The following PTPN13 variants were observed in gnomAD, a reference collection of about 807,000 sequenced individuals.
PTPN13 encodes protein tyrosine phosphatase non-receptor type 13.
In PTPN13, 191 loss-of-function variants were observed where a neutral mutation model predicts 284.0. That is an observed-to-expected ratio of 0.67 (90% CI 0.60 to 0.76). PTPN13 has a LOEUF of 0.76. Ranked by LOEUF, PTPN13 falls within the 30% of genes least tolerant of loss-of-function variation. The pLI is 0.00. For synonymous variants in PTPN13, 986 were observed against 1,022.3 expected (o/e 0.96, Z 0.68); for missense variants, 2,797 against 2,939.9 (o/e 0.95, Z 1.12).
chr4:86,647,400 T>C (rs1724565572), intron 2 of PTPN13, among the ~76,000 whole-genome samples: 1 of 151,932 alleles, frequency 6.6e-6, no homozygotes, highest in African/African-American at 2.4e-5. Flanking sequence ...CAAATGTTCA[T>C]TTTTCTCTTT....
At chr4:86,655,930 T>C (rs757267453) in intron 2 of PTPN13, among the ~76,000 whole-genome samples, 1 of 152,198 alleles carries the variant, frequency 6.6e-6, no homozygotes, top group Non-Finnish European at 1.5e-5. Flanking sequence ...TCTTGGAGGC[T>C]TTGTTAGTTT....
At chr4:86,644,874 A>G (rs2170427) in intron 2 of PTPN13, among the ~76,000 whole-genome samples, 7,051 of 152,190 alleles carry the variant, frequency 0.046, 218 homozygotes, top group African/African-American at 0.06. Flanking sequence ...ATGCAGAAAA[A>G]CATTTGGTAA....
rs149201308 is a variant in PTPN13 at position 86,665,739 on chromosome 4, A to G, written c.116-6626A>G. ...CGTAAAAGATGCCAAAAAATTTCCC[A>G]AAGATCTAGAATAGAACGGTTTGAG... On this transcript the variant is annotated intron_variant, in intron 2 of 47. Coordinates refer to ENST00000411767, the MANE Select transcript of PTPN13 (RefSeq NM_080683.3). Among the ~76,000 whole-genome samples, 9 of 152,314 alleles carry G rather than the reference A, an allele frequency of 5.9e-5. No individual in the cohort carries two copies. In the East Asian group the frequency reaches 1.2e-3, roughly 20 times the overall value.
At chr4:86,809,732 C>T (rs772011078) in intron 45 of PTPN13, 37 bp from the exon 46 acceptor site, 2 of 1,540,368 alleles carry the variant, frequency 1.3e-6, no homozygotes, top group East Asian at 2.2e-5. Flanking sequence ...AACAATATAA[C>T]ATGTCATGAT....
intron 10 of PTPN13, among the ~76,000 whole-genome samples, chr4:86,727,909 G>A (rs1734467070): frequency 6.7e-6 from 1 of 148,864 alleles, no homozygotes; most frequent in African/African-American, 2.5e-5. Flanking sequence ...GTGATGTTAG[G>A]GTGTTGATTT....
chr4:86,652,338 G>A (rs563613462), intron 2 of PTPN13, among the ~76,000 whole-genome samples: 10 of 151,974 alleles, frequency 6.6e-5, no homozygotes, highest in Admixed American at 2.0e-4. Flanking sequence ...TATTTTTTAT[G>A]TACTTATTAT....
chr4:86,729,062 G>C (rs574940711), intron 10 of PTPN13, among the ~76,000 whole-genome samples: 1 of 149,294 alleles, frequency 6.7e-6, no homozygotes, highest in East Asian at 1.9e-4. Context: ...GTCAGCATTT[G>C]CTTGTCTGTA....
intron 2 of PTPN13, among the ~76,000 whole-genome samples, chr4:86,672,128 C>G (rs1727775246): frequency 6.6e-6 from 1 of 152,168 alleles, no homozygotes; most frequent in African/African-American, 2.4e-5. Context: ...GATCTACCAT[C>G]CAGATTTTGA....
At chr4:86,803,942 G>A (rs1023516672) in intron 43 of PTPN13, 85 bp downstream of exon 43, 9 of 1,463,598 alleles carry the variant, frequency 6.1e-6, no homozygotes, top group South Asian at 1.4e-5. Context: ...CCCAAGATTA[G>A]AAGAATTTTT....
rs568678688 is a variant in PTPN13, at chr4:86,682,288, T to A, written c.295-4422T>A. Among the ~76,000 whole-genome samples the A allele has an allele frequency of 3.9e-4, 59 of 152,302 alleles. No individual in the cohort carries two copies. In the South Asian group the frequency reaches 0.011, roughly 29 times the overall value. ...TATAGGACTGTGTCCTGGCCTGCTA[T>A]ACTACTATACTAAGGAAGGGAAATA... On this transcript the variant is annotated intron_variant, in intron 3 of 47. Coordinates refer to ENST00000411767, the MANE Select transcript of PTPN13 (RefSeq NM_080683.3).
chr4:86,680,917 T>C (rs1728833614), intron 3 of PTPN13, among the ~76,000 whole-genome samples: 1 of 152,112 alleles, frequency 6.6e-6, no homozygotes, highest in Admixed American at 6.6e-5. Flanking sequence ...TGAGGACTTA[T>C]AATATGTCCA....
At chr4:86,782,366 T>TTAGA (rs1282733860) in intron 37 of PTPN13, 104 bp downstream of exon 37, 1 of 1,094,278 alleles carries the variant, frequency 9.1e-7, no homozygotes, top group African/African-American at 1.6e-5. Flanking sequence ...TTTGTCTTCT[T>TTAGA]TAGATATTCA....
At chr4:86,812,729 AGAAGGAAGAGT>A (rs1480843343) in intron 47 of PTPN13, among the ~76,000 whole-genome samples, 1 of 151,990 alleles carries the variant, frequency 6.6e-6, no homozygotes, top group Non-Finnish European at 1.5e-5. Flanking sequence ...AGGGCACGAG[AGAAGGAAGAGT>A]GAAGGAGGAG....
At chr4:86,813,117 C>CA (rs1745424325) in intron 47 of PTPN13, among the ~76,000 whole-genome samples, 1 of 152,166 alleles carries the variant, frequency 6.6e-6, no homozygotes, top group African/African-American at 2.4e-5. Context: ...TTCCTACTGT[C>CA]AGAGAGCTGT....
At chr4:86,757,115 A>C (rs1738073738) in intron 20 of PTPN13, among the ~76,000 whole-genome samples, 1 of 152,194 alleles carries the variant, frequency 6.6e-6, no homozygotes, top group South Asian at 2.1e-4. Context: ...TAGATGAATT[A>C]ACTTGATAAA....
intron 2 of PTPN13, among the ~76,000 whole-genome samples, chr4:86,639,338 A>G (rs1465919400): frequency 6.6e-6 from 1 of 152,174 alleles, no homozygotes; most frequent in African/African-American, 2.4e-5. Flanking sequence ...TATATACCCA[A>G]AGGACTATAA....
intron 2 of PTPN13, among the ~76,000 whole-genome samples, chr4:86,654,850 C>G (rs1434594596): frequency 2.0e-5 from 3 of 152,130 alleles, no homozygotes; most frequent in Non-Finnish European, 4.4e-5. Context: ...GTGTTAAAGT[C>G]TCCCATTATT....
intron 7 of PTPN13, among the ~76,000 whole-genome samples, chr4:86,705,770 A>G (rs999728326): frequency 5.9e-5 from 9 of 152,016 alleles, no homozygotes; most frequent in Non-Finnish European, 2.9e-5. Flanking sequence ...TGGAGATTGT[A>G]GATTTTCATC....
intron 40 of PTPN13, among the ~76,000 whole-genome samples, chr4:86,791,443 G>A (rs1421928121): frequency 6.6e-6 from 1 of 152,234 alleles, no homozygotes; most frequent in Non-Finnish European, 1.5e-5. Flanking sequence ...ACAAAAGGAA[G>A]CAGACAGCTT....
Sources: gnomAD v4.1 joint callset for allele counts (sites outside exome capture counted in the v4.1 genomes callset) on GRCh38, gnomAD v4.1.1 for gene constraint, MANE v1.5 for transcripts, NCBI Gene and HGNC (gene_info 2026-07-23, HGNC 2026-07-21) for gene names.